ITSN1: variants seen among roughly 807,000 people sequenced by gnomAD.
ITSN1 encodes intersectin 1, also known as intersectin-1.
ITSN1 carries 58 observed loss-of-function variants against 239.8 expected under a neutral mutation model. That is an observed-to-expected ratio of 0.24 (90% confidence interval 0.20 to 0.30). The LOEUF (loss-of-function observed/expected upper bound fraction) is 0.30, where lower values mean the gene tolerates loss of function less well. Ranked by LOEUF, ITSN1 falls within the 10% of genes least tolerant of loss-of-function variation. The pLI is 1.00. For synonymous variants in ITSN1, 780 were observed against 770.8 expected (o/e 1.01, Z -0.20); for missense variants, 1,558 against 2,103.3 (o/e 0.74, Z 5.07).
At chr21:33,885,688 T>G (rs1053637894) in intron 38 of ITSN1, among the ~76,000 whole-genome samples, 166 bp downstream of exon 38, 2 of 151,944 alleles carry the variant, frequency 1.3e-5, no homozygotes, top group Non-Finnish European at 2.9e-5. Context: ...GGTTTTGTGT[T>G]TTTTTTTCCA....
Position 33,799,845 on chromosome 21 carries a change from A to G in ITSN1, c.2220A>G (p.Val740=), listed in dbSNP as rs1489324349. 3 of 1,614,088 alleles carry G rather than the reference A, an allele frequency of 1.9e-6. No homozygotes were observed. Among genetic ancestry groups the G allele is most frequent in the East Asian group, 2.2e-5 (1 of 44,878 alleles). Residue 740 remains valine, a synonymous_variant, in exon 19 of 40, where the codon GTA becomes GTG. Transcript: ENST00000381318. ...GPLTISAQEN[V]KVVYYRALYP... is the part of the protein sequence containing the mutation. ...TTACCATTTCTGCACAGGAAAATGT[A>G]AAAGTGGTGTATTACCGGGCACTGT... is the stretch of plus-strand genomic sequence containing the variant.
chr21:33,773,036 G>A (rs1321503022), intron 12 of ITSN1, among the ~76,000 whole-genome samples: 3 of 138,904 alleles, frequency 2.2e-5, no homozygotes, highest in Admixed American at 7.7e-5. Flanking sequence ...ACAGAGTCTC[G>A]CTCTGTCACT....
intron 29 of ITSN1, among the ~76,000 whole-genome samples, chr21:33,852,571 C>G (rs7278683): frequency 0.022 from 3,326 of 152,032 alleles, 138 homozygotes; most frequent in African/African-American, 0.076. Context: ...GGCCTAGACT[C>G]AAAAAATCCT....
Position 33,840,629 on chromosome 21 carries a change from T to C in ITSN1, c.3661+3997T>C, listed in dbSNP as rs563261546. Among the ~76,000 whole-genome samples the C allele has an allele frequency of 2.6e-5, 4 of 152,232 alleles. No individual in the cohort carries two copies. In the South Asian group the frequency reaches 8.3e-4, roughly 32 times the overall value. On this transcript the variant is annotated intron_variant, in intron 29 of 39. Coordinates refer to ENST00000381318, the MANE Select transcript of ITSN1 (RefSeq NM_003024.3). ...CACCCGCCTCAGCCTCCCAAAGCAC[T>C]GGGATTACAGGTGTGAGCCACCGTG...
intron 4 of ITSN1, among the ~76,000 whole-genome samples, chr21:33,732,657 A>G (rs1475397975): frequency 6.6e-6 from 1 of 152,166 alleles, no homozygotes; most frequent in Non-Finnish European, 1.5e-5. Context: ...TTTTCTAGTT[A>G]TGTGATTGTA....
intron 1 of ITSN1, among the ~76,000 whole-genome samples, chr21:33,648,828 CAAAAA>C (rs1260042879): frequency 7.4e-5 from 11 of 148,036 alleles, no homozygotes; most frequent in African/African-American, 2.8e-4. Flanking sequence ...GAGATCTTGT[CAAAAA>C]AGAAAGGGGA....
At chr21:33,675,723 A>G (rs979181766) in intron 1 of ITSN1, among the ~76,000 whole-genome samples, 7 of 152,186 alleles carry the variant, frequency 4.6e-5, no homozygotes, top group Non-Finnish European at 1.0e-4. Context: ...ATAGGTGAAA[A>G]TAGTATCTTT....
chr21:33,874,627 A>C (rs1457237119), intron 33 of ITSN1, among the ~76,000 whole-genome samples: 1 of 151,282 alleles, frequency 6.6e-6, no homozygotes, highest in Non-Finnish European at 1.5e-5. Flanking sequence ...TCCTCTGTGA[A>C]ACAGGGTGAA....
chr21:33,672,804 C>T (rs1401965994), intron 1 of ITSN1, among the ~76,000 whole-genome samples: 5 of 152,086 alleles, frequency 3.3e-5, no homozygotes, highest in East Asian at 1.9e-4. Context: ...CTCCGCCTCC[C>T]GGGTTCAAGC....
At chr21:33,695,542 G>T (rs959395043) in intron 1 of ITSN1, among the ~76,000 whole-genome samples, 4 of 152,210 alleles carry the variant, frequency 2.6e-5, no homozygotes, top group African/African-American at 9.6e-5. Flanking sequence ...TTTTGCAAGC[G>T]TGAAACTAAA....
At chr21:33,886,210 T>TAAAAA (rs559819556) in intron 38 of ITSN1, 77 bp from the exon 39 acceptor site, 1 of 1,001,022 alleles carries the variant, frequency 1.0e-6, no homozygotes, top group African/African-American at 1.9e-5. Flanking sequence ...AGAATCCATC[T>TAAAAA]AAAAAAAAAA....
chr21:33,676,030 T>C (rs143774135), intron 1 of ITSN1, among the ~76,000 whole-genome samples: 1 of 151,928 alleles, frequency 6.6e-6, no homozygotes, highest in African/African-American at 2.4e-5. Flanking sequence ...GATTTTCCTT[T>C]TTTTTGTTTT....
intron 1 of ITSN1, among the ~76,000 whole-genome samples, chr21:33,651,612 CAAATT>C (rs2146128070): frequency 6.6e-6 from 1 of 152,288 alleles, no homozygotes; most frequent in South Asian, 2.1e-4. Flanking sequence ...GCTTTATAAA[CAAATT>C]AATTGAGGTT....
rs1322312062 is a variant in ITSN1, at chr21:33,798,891, T to A, written c.2183-917T>A. Among the ~76,000 whole-genome samples the A allele has an allele frequency of 2.0e-5, 3 of 152,234 alleles. No homozygotes were observed. In the East Asian group the frequency reaches 5.8e-4, roughly 29 times the overall value. ...ATTAATTTTTTGATAGTTTTTTTTTTAATCTGAAAATAATTTCACCATTGA... is the reference window on the plus strand; with the variant it reads ...ATTAATTTTTTGATAGTTTTTTTTTAAATCTGAAAATAATTTCACCATTGA... On this transcript the variant is annotated intron_variant, in intron 18 of 39. Transcript: ENST00000381318.
chr21:33,729,704 A>G (rs1349075899), intron 4 of ITSN1, among the ~76,000 whole-genome samples: 5 of 152,196 alleles, frequency 3.3e-5, no homozygotes, highest in Non-Finnish European at 5.9e-5. Flanking sequence ...TGCCAGAGAA[A>G]AGGAGCAGGC....
chr21:33,829,361 G>A (rs913955166), intron 26 of ITSN1: 1 of 442,162 alleles, frequency 2.3e-6, no homozygotes, highest in Non-Finnish European at 4.1e-6. Context: ...GTGGAGGGAA[G>A]TTGGTAAGTA....
intron 1 of ITSN1, among the ~76,000 whole-genome samples, chr21:33,676,335 CT>C (rs1334482644): frequency 6.6e-6 from 1 of 152,066 alleles, no homozygotes; most frequent in Non-Finnish European, 1.5e-5. Context: ...AGAACATCCC[CT>C]GTCACTTCAA....
At chr21:33,792,797 A>G (rs780686895) in intron 16 of ITSN1, among the ~76,000 whole-genome samples, 7 of 152,134 alleles carry the variant, frequency 4.6e-5, no homozygotes, top group Non-Finnish European at 7.4e-5. Flanking sequence ...TGCCTTACAA[A>G]GGTACCTTTT....
At chr21:33,716,935 C>CAA (rs796595572) in intron 1 of ITSN1, among the ~76,000 whole-genome samples, 8 of 97,718 alleles carry the variant, frequency 8.2e-5, no homozygotes, top group Admixed American at 1.1e-4. Flanking sequence ...GACTCCGTCT[C>CAA]AAAAAAAAAA....
Sources: allele counts gnomAD v4.1 joint callset (sites outside exome capture counted in the v4.1 genomes callset), GRCh38; gene constraint gnomAD v4.1.1; transcripts MANE v1.5; gene names NCBI Gene and HGNC (gene_info 2026-07-23, HGNC 2026-07-21).